The following AMMECR1 variants were observed in gnomAD, a reference collection of about 807,000 sequenced individuals.
The protein encoded by AMMECR1 is AMMECR nuclear protein 1.
Under a neutral mutation model 22.5 loss-of-function variants are expected in AMMECR1, and 3 were observed. That is an observed-to-expected ratio of 0.13 (90% CI 0.06 to 0.35). AMMECR1 has a LOEUF of 0.35. AMMECR1 is among the 10% of genes least tolerant of loss of function. The pLI is 1.00. For missense variants in AMMECR1, 235 were observed against 278.7 expected (o/e 0.84, Z 1.12); for synonymous variants, 130 against 116.7 (o/e 1.11, Z -0.74).
intron 2 of AMMECR1, among the ~76,000 whole-genome samples, chrX:110,373,594 C>G (rs1179771452): frequency 2.7e-5 from 3 of 112,176 alleles, no homozygotes; most frequent in African/African-American, 9.7e-5. Flanking sequence ...TTGGTATATA[C>G]AAGAAATGGG....
At chrX:110,335,724 T>A (rs1378077913) in intron 2 of AMMECR1, among the ~76,000 whole-genome samples, 2 of 111,971 alleles carry the variant, frequency 1.8e-5, no homozygotes, top group East Asian at 5.6e-4. Context: ...CTCTATTTCA[T>A]CAGCTCCAAA....
intron 2 of AMMECR1, among the ~76,000 whole-genome samples, chrX:110,341,865 C>A (rs1412983418): frequency 9.0e-6 from 1 of 111,416 alleles, no homozygotes; most frequent in East Asian, 2.8e-4. Flanking sequence ...GAGTTTGAGA[C>A]CAGCCTAGGC....
At chrX:110,293,088 CTT>C (rs1246673489) in intron 1 of AMMECR1, among the ~76,000 whole-genome samples, 7 of 112,352 alleles carry the variant, frequency 6.2e-5, no homozygotes, top group African/African-American at 2.3e-4. Flanking sequence ...GTATGCTACT[CTT>C]TGTGCAAAAC....
At chrX:110,282,154 G>A (rs1422124733) in intron 1 of AMMECR1, among the ~76,000 whole-genome samples, 1 of 111,184 alleles carries the variant, frequency 9.0e-6, no homozygotes, top group Non-Finnish European at 1.9e-5. Context: ...CCACACGTAA[G>A]AACTATCTCT....
intron 2 of AMMECR1, among the ~76,000 whole-genome samples, chrX:110,230,654 C>T (rs979899294): frequency 8.9e-5 from 10 of 111,911 alleles, no homozygotes; most frequent in African/African-American, 2.6e-4. Context: ...TCACCAGCAA[C>T]GGAACAAAGT....
intron 5 of AMMECR1, 68 bp from the exon 6 acceptor site, chrX:110,198,702 G>C: frequency 1.3e-6 from 1 of 754,671 alleles, no homozygotes; most frequent in Non-Finnish European, 2.0e-6. Context: ...GTCACTGCTA[G>C]GAAGGACCTT....
At chrX:110,437,216 C>T (rs1398157553) in intron 1 of AMMECR1, among the ~76,000 whole-genome samples, 1 of 111,829 alleles carries the variant, frequency 8.9e-6, no homozygotes, top group East Asian at 2.8e-4. Context: ...GAGCCCCTGA[C>T]CCCTGCAGTT....
At chrX:110,349,974 A>G (rs1483112197) in intron 2 of AMMECR1, among the ~76,000 whole-genome samples, 1 of 112,071 alleles carries the variant, frequency 8.9e-6, no homozygotes, top group African/African-American at 3.2e-5. Context: ...AAGATGACGT[A>G]TACCGGTAGA....
At chrX:110,386,801 G>A (rs1405668722) in intron 2 of AMMECR1, among the ~76,000 whole-genome samples, 2 of 112,366 alleles carry the variant, frequency 1.8e-5, no homozygotes, top group East Asian at 5.5e-4. Context: ...AACAGATCAA[G>A]CTTCTCCTCT....
intron 2 of AMMECR1, among the ~76,000 whole-genome samples, chrX:110,372,729 G>A (rs904769699): frequency 9.0e-6 from 1 of 111,594 alleles, no homozygotes; most frequent in Non-Finnish European, 1.9e-5. Context: ...AAAATATATG[G>A]CTGAGCTCCA....
intron 1 of AMMECR1, among the ~76,000 whole-genome samples, chrX:110,297,971 T>G (rs888228380): frequency 1.6e-4 from 18 of 112,375 alleles, no homozygotes; most frequent in African/African-American, 4.8e-4. Context: ...GGGAAACAAA[T>G]GTATTTTTAA....
Position 110,249,744 on chromosome X carries a change from A to G in AMMECR1, c.584+14745T>C, listed in dbSNP as rs962744918. On this transcript the variant is annotated intron_variant, in intron 2 of 5. Coordinates refer to ENST00000262844, the MANE Select transcript of AMMECR1 (RefSeq NM_015365.3). ...GTGAAACCCCGTCTCCACTGAAAAT[A>G]CAAAAATTAGCTGGGCATGGTGGCG... Among the ~76,000 whole-genome samples the G allele has an allele frequency of 3.6e-5, 4 of 112,059 alleles. No individual in the cohort carries two copies. In the East Asian group the frequency reaches 1.1e-3, roughly 31 times the overall value.
chrX:110,327,929 A>C (rs2068104230), intron 2 of AMMECR1, among the ~76,000 whole-genome samples: 1 of 111,884 alleles, frequency 8.9e-6, no homozygotes, highest in African/African-American at 3.2e-5. Context: ...GGCCTGCCAG[A>C]AAAGAATGAT....
rs190786546 is a variant in AMMECR1, at chrX:110,349,095, C to A, written c.-147-31246G>T. Among the ~76,000 whole-genome samples, 180 of 111,774 alleles carry A rather than the reference C, an allele frequency of 1.6e-3. 2 individuals are homozygous for A. The highest frequency in any genetic ancestry group is 5.2e-3 in the African/African-American group (161 of 30,794). On this transcript the variant is annotated intron_variant, in intron 2 of 7. Transcript: ENST00000372057. ...ACAATAATAGTTGCCATTTGTCCAA[C>A]AATTATCTTGAGTTAGATATTTCAC... is the stretch of plus-strand genomic sequence containing the variant.
At chrX:110,217,502 T>TACAC (rs759487797) in intron 2 of AMMECR1, among the ~76,000 whole-genome samples, 2,138 of 88,557 alleles carry the variant, frequency 0.024, 29 homozygotes, top group Non-Finnish European at 0.031. Context: ...GAATAGAAAA[T>TACAC]ACACACACAC....
At chrX:110,310,113 G>C (rs1334965868) in intron 1 of AMMECR1, among the ~76,000 whole-genome samples, 1 of 112,484 alleles carries the variant, frequency 8.9e-6, no homozygotes, top group Non-Finnish European at 1.9e-5. Flanking sequence ...GTGATCCCAA[G>C]GGGCCAACTA....
intron 1 of AMMECR1, among the ~76,000 whole-genome samples, chrX:110,299,150 C>T (rs1367708957): frequency 9.0e-6 from 1 of 111,350 alleles, no homozygotes; most frequent in African/African-American, 3.3e-5. Context: ...GCATTATAAA[C>T]TATGCAGTAA....
chrX:110,317,891 C>T lies in AMMECR1; in HGVS notation c.181G>A (p.Gly61Arg). The T allele has an allele frequency of 2.5e-6, 3 of 1,191,502 alleles. No homozygotes were observed. The highest frequency in any genetic ancestry group is 3.4e-6 in the Non-Finnish European group (3 of 885,428). ...GTACAGCCGCTGCCGCTACCTCCTC[C>T]GGTTAGACCTCCCAGCCCGTTGAGC... ...TRLNGLGGLT[G>R]GGSGSGCTLS... Residue 61 changes from glycine to arginine, a missense_variant, in exon 1 of 6, where the codon GGA becomes AGA. Gly to Arg is a moderately radical substitution (Grantham distance 125). This residue lies in a region of AMMECR1 where 124 missense variants were observed against 97.0 expected (regional missense o/e 1.28). Transcript: ENST00000262844.
At chrX:110,260,932 T>C (rs929924435) in intron 2 of AMMECR1, among the ~76,000 whole-genome samples, 10 of 112,222 alleles carry the variant, frequency 8.9e-5, no homozygotes, top group African/African-American at 3.2e-4. Flanking sequence ...TGAAATAAGC[T>C]AGTCACAAAA....
Sources: gnomAD v4.1 joint callset for allele counts (sites outside exome capture counted in the v4.1 genomes callset) on GRCh38, gnomAD v4.1.1 for gene constraint, gnomAD v4.1.1 regional missense constraint, MANE v1.5 for transcripts, NCBI Gene and HGNC (gene_info 2026-07-23, HGNC 2026-07-21) for gene names.